Variants in SRP54 observed in about 807,000 individuals in gnomAD.
SRP54 encodes the protein signal recognition particle subunit SRP54.
In SRP54, 10 loss-of-function variants were observed where a neutral mutation model predicts 64.8. The observed-to-expected ratio is 0.15, with a 90% CI of 0.10 to 0.26. The LOEUF (loss-of-function observed/expected upper bound fraction) is 0.26. Ranked by LOEUF, SRP54 falls within the 10% of genes least tolerant of loss-of-function variation. The pLI, the probability that SRP54 is intolerant of heterozygous loss-of-function variation, is 1.00. For missense variants in SRP54, 325 were observed against 613.7 expected, an observed-to-expected ratio of 0.53 and a Z score of 4.97; for synonymous variants, 193 against 185.6, an observed-to-expected ratio of 1.04 and a Z score of -0.32.
chr14:34,997,034 T>G, intron 2 of SRP54: 1 of 385,582 alleles, frequency 2.6e-6, no homozygotes, highest in Non-Finnish European at 4.6e-6. Context: ...TTAACTTACA[T>G]GTAAAAATAA....
intron 2 of SRP54, among the ~76,000 whole-genome samples, chr14:34,997,626 G>A (rs986074791): frequency 1.3e-5 from 2 of 152,252 alleles, no homozygotes; most frequent in Non-Finnish European, 2.9e-5. Context: ...GAAAACTTAC[G>A]TAGAATTCTT....
intron 1 of SRP54, among the ~76,000 whole-genome samples, chr14:34,995,221 A>T (rs1469682486): frequency 1.4e-5 from 2 of 147,024 alleles, no homozygotes; most frequent in Non-Finnish European, 3.0e-5. Flanking sequence ...ATATAAAGAT[A>T]TGTATTTATT....
intron 12 of SRP54, 78 bp downstream of exon 12, chr14:35,018,843 T>C: frequency 6.8e-7 from 1 of 1,467,470 alleles, no homozygotes; most frequent in Non-Finnish European, 9.4e-7. Context: ...CTTTAATTAT[T>C]TTTACATTCG....
Position 35,023,037 on chromosome 14 carries a change from A to G in SRP54, c.1284A>G (p.Ala428=). Residue 428 remains alanine, a synonymous_variant, in exon 14 of 16, where the codon GCA becomes GCG. Coordinates refer to ENST00000216774, the MANE Select transcript of SRP54 (RefSeq NM_003136.4). ...TTTTGACACAATATACCAAGTTTGC[A>G]CAGATGGTAAAAAAGATGGGAGGTA... ...QELLTQYTKF[A]QMVKKMGGIK... is the part of the protein sequence containing the mutation. 6.2e-7 allele frequency: 1 copy of G among 1,613,756 alleles called. No individual in the cohort carries two copies. The highest frequency in any genetic ancestry group is 2.2e-5 in the East Asian group (1 of 44,832).
chr14:35,017,376 A>T (rs2044460731), intron 11 of SRP54, among the ~76,000 whole-genome samples: 1 of 152,160 alleles, frequency 6.6e-6, no homozygotes, highest in Non-Finnish European at 1.5e-5. Context: ...CCTAATATTT[A>T]AGTGTTTTCT....
At chr14:35,004,995 G>A (rs1480496041) in intron 4 of SRP54, among the ~76,000 whole-genome samples, 4 of 152,178 alleles carry the variant, frequency 2.6e-5, no homozygotes, top group Non-Finnish European at 2.9e-5. Context: ...TGTGGACCAC[G>A]TGATTTCTAT....
At chr14:34,998,967 GTGTGTA>G (rs770581544) in intron 2 of SRP54, among the ~76,000 whole-genome samples, 2,131 of 78,870 alleles carry the variant, frequency 0.027, 97 homozygotes, top group Non-Finnish European at 0.051. Context: ...TTATTACTTT[GTGTGTA>G]TGTGTGTGTG....
chr14:34,997,055 C>A, intron 2 of SRP54: 1 of 330,580 alleles, frequency 3.0e-6, no homozygotes, highest in Non-Finnish European at 5.6e-6. Flanking sequence ...CATATTTTAT[C>A]TTTTGAAAGT....
intron 9 of SRP54, 40 bp from the exon 10 acceptor site, chr14:35,013,762 G>A (rs775021751): frequency 1.3e-6 from 2 of 1,536,244 alleles, no homozygotes; most frequent in Non-Finnish European, 1.8e-6. Flanking sequence ...AATTTGTGGG[G>A]TTCTTTTGAG....
intron 4 of SRP54, among the ~76,000 whole-genome samples, chr14:35,004,912 A>G (rs2138991415): frequency 1.3e-5 from 2 of 152,320 alleles, no homozygotes; most frequent in Middle Eastern, 6.8e-3. Flanking sequence ...GCTTTCCTTG[A>G]AATTCAAGTA....
At chr14:35,001,535 G>A (rs2044173114) in intron 4 of SRP54, among the ~76,000 whole-genome samples, 1 of 152,096 alleles carries the variant, frequency 6.6e-6, no homozygotes, top group Non-Finnish European at 1.5e-5. Flanking sequence ...TGCAAAAAAT[G>A]CCAAAGCCAA....
In SRP54 at chr14:35,023,095, CTTGTTATTAGTTA is replaced by C. The variant is rs1566656737; in HGVS notation, c.1327+16_1327+28del. The stretch of plus-strand genomic sequence containing the variant: ...ACTTTTCAAAGGTAAGAAAAATAAG[CTTGTTATTAGTTA>C]ACAGACGGAAAAGAAAGGAAGTTGA... On this transcript the variant is annotated intron_variant, in intron 14 of 15. Transcript: ENST00000216774. 1 of 1,581,102 alleles carries C rather than the reference CTTGTTATTAGTTA, an allele frequency of 6.3e-7. No homozygotes were observed. The highest frequency in any genetic ancestry group is 8.6e-7 in the Non-Finnish European group (1 of 1,161,216).
rs1442883851 is a variant in SRP54, at chr14:35,011,497, C to A, written c.486-12C>A. On this transcript the variant is annotated splice_polypyrimidine_tract_variant and intron_variant, in intron 7 of 15. Coordinates refer to ENST00000216774, the MANE Select transcript of SRP54 (RefSeq NM_003136.4). ...TTGTCGTTTTGTTAAATCATTTGTC[C>A]ATGTTATATAGCTATACAGAAATGG... The A allele has an allele frequency of 2.1e-6, 3 of 1,414,686 alleles. No homozygotes were observed. The highest frequency in any genetic ancestry group is 2.8e-6 in the Non-Finnish European group (3 of 1,069,630). The allele number at this position is 1,414,686 out of a possible 1,614,324, so 87.6% of individuals were successfully genotyped here.
chr14:35,020,859 G>A (rs999368285), intron 13 of SRP54, among the ~76,000 whole-genome samples: 2 of 152,104 alleles, frequency 1.3e-5, no homozygotes, highest in African/African-American at 4.8e-5. Flanking sequence ...AGGAAACTGG[G>A]ATACAGGGAA....
intron 14 of SRP54, among the ~76,000 whole-genome samples, chr14:35,027,177 C>T (rs972075433): frequency 3.3e-5 from 5 of 151,952 alleles, no homozygotes; most frequent in Non-Finnish European, 5.9e-5. Context: ...CAGGCGTGTG[C>T]CACCATGTCT....
intron 7 of SRP54, among the ~76,000 whole-genome samples, 171 bp from the exon 8 acceptor site, chr14:35,011,338 G>A (rs1483634152): frequency 1.3e-5 from 2 of 152,132 alleles, no homozygotes; most frequent in African/African-American, 4.8e-5. Flanking sequence ...AATGCTTCAT[G>A]CTTTTTTAGA....
chr14:35,008,677 A>G lies in SRP54; in HGVS notation c.411A>G (p.Ala137=), dbSNP rs1434439483. Residue 137 remains alanine, a synonymous_variant, in exon 6 of 16, where the codon GCA becomes GCG. Transcript: ENST00000216774. ...GTTGGAAGACCTGTTTAATATGTGC[A>G]GACACATTCAGAGCAGGTAATGTCT... ...RKGWKTCLIC[A]DTFRAGAFDQ... is the part of the protein sequence containing the mutation. The G allele has an allele frequency of 1.2e-6, 2 of 1,607,284 alleles. No individual in the cohort carries two copies. Among genetic ancestry groups the G allele is most frequent in the African/African-American group, 1.3e-5 (1 of 74,730 alleles).
Position 35,022,829 on chromosome 14 carries a change from A to G in SRP54, c.1157-81A>G. 2 of 1,148,406 alleles carry G rather than the reference A, an allele frequency of 1.7e-6. 1 individual carries two copies. Among genetic ancestry groups the G allele is most frequent in the South Asian group, 4.6e-5 (2 of 43,568 alleles). 71.1% of individuals were successfully genotyped at this position (1,148,406 alleles called of 1,614,324 possible). Reference sequence around the variant, plus strand: ...TAAAAACATCTGCTAAGCTCTTTGAAGTTATATATTGCCCATTTGCACATA... The same window carrying G: ...TAAAAACATCTGCTAAGCTCTTTGAGGTTATATATTGCCCATTTGCACATA... On this transcript the variant is annotated intron_variant, in intron 13 of 15. Coordinates refer to ENST00000216774, the MANE Select transcript of SRP54 (RefSeq NM_003136.4).
intron 1 of SRP54, among the ~76,000 whole-genome samples, chr14:34,984,904 C>T (rs2138953012): frequency 7.6e-6 from 1 of 132,212 alleles, no homozygotes; most frequent in Non-Finnish European, 1.6e-5. Context: ...CTGTCTTCAC[C>T]TTCCTTTTTT....
Sources: gnomAD v4.1 joint callset for allele counts (sites outside exome capture counted in the v4.1 genomes callset) on GRCh38, gnomAD v4.1.1 for gene constraint, MANE v1.5 for transcripts, NCBI Gene and HGNC (gene_info 2026-07-23, HGNC 2026-07-21) for gene names.